SLC9D1: variants seen among roughly 807,000 people sequenced by gnomAD.
SLC9D1 encodes putative LAG1-interacting protein.
At chr13:113,541,416 G>C in the SLC9D1 span, among the ~76,000 whole-genome samples, 1 of 146,004 alleles carries the variant, frequency 6.8e-6, no homozygotes, top group Non-Finnish European at 1.5e-5. Context: ...GCTGATCACT[G>C]CCATGCTTTA....
chr13:113,533,644 C>T, the SLC9D1 span, among the ~76,000 whole-genome samples: 9 of 152,182 alleles, frequency 5.9e-5, no homozygotes, highest in South Asian at 1.4e-3. Context: ...GCCTTGCTGA[C>T]GGTCGCTGGA....
chr13:113,496,087 A>G, the SLC9D1 span: 1 of 1,176,612 alleles, frequency 8.5e-7, no homozygotes, highest in East Asian at 2.6e-5. Context: ...AGAGAGAGGG[A>G]GAGTGCGTGC....
the SLC9D1 span, chr13:113,547,036 G>A: frequency 8.0e-5 from 38 of 473,408 alleles, no homozygotes; most frequent in Non-Finnish European, 1.0e-4. Flanking sequence ...GTTTTGCTGT[G>A]TCCTCTGCAG....
chr13:113,500,465 C>T, the SLC9D1 span, among the ~76,000 whole-genome samples: 2 of 152,150 alleles, frequency 1.3e-5, no homozygotes, highest in Non-Finnish European at 2.9e-5. Flanking sequence ...AATTAAAAAT[C>T]CTTAAAAGGC....
the SLC9D1 span, among the ~76,000 whole-genome samples, chr13:113,539,932 C>T: frequency 6.6e-6 from 1 of 152,126 alleles, no homozygotes; most frequent in Admixed American, 6.5e-5. This position sits in a 1 kb window ranked among gnomAD's most constrained non-coding sequence, Gnocchi z 4.8. Flanking sequence ...CACGTGTACT[C>T]GGTGTTGAGC....
the SLC9D1 span, among the ~76,000 whole-genome samples, chr13:113,516,985 G>A: frequency 6.6e-6 from 1 of 152,192 alleles, no homozygotes; most frequent in Non-Finnish European, 1.5e-5. Flanking sequence ...AGAGGCCTCC[G>A]TGGGCAGGGC....
the SLC9D1 span, among the ~76,000 whole-genome samples, chr13:113,543,577 C>T: frequency 8.8e-6 from 1 of 113,182 alleles, no homozygotes; most frequent in Non-Finnish European, 1.8e-5. Flanking sequence ...CCTCAGCAAG[C>T]TAAATAAACT....
At chr13:113,534,039 T>C in the SLC9D1 span, 1 of 1,582,510 alleles carries the variant, frequency 6.3e-7, no homozygotes, top group Non-Finnish European at 8.6e-7. Flanking sequence ...CTTTTTTCTT[T>C]CCCAGCATTG....
chr13:113,543,071 C>T, the SLC9D1 span, among the ~76,000 whole-genome samples: 8 of 118,078 alleles, frequency 6.8e-5, no homozygotes, highest in East Asian at 5.1e-4. Context: ...CCCTGCCTCC[C>T]GCCCTACCTC....
chr13:113,524,763 T>G, the SLC9D1 span, among the ~76,000 whole-genome samples: 6 of 152,210 alleles, frequency 3.9e-5, no homozygotes, highest in Non-Finnish European at 7.3e-5. Flanking sequence ...TCCTTTCAAC[T>G]TATGCCCTTG....
the SLC9D1 span, among the ~76,000 whole-genome samples, chr13:113,494,782 T>G: frequency 6.6e-6 from 1 of 152,150 alleles, no homozygotes; most frequent in Non-Finnish European, 1.5e-5. Context: ...CTCAGAAGAT[T>G]TCGTTTCTGG....
chr13:113,544,338 G>T, the SLC9D1 span, among the ~76,000 whole-genome samples: 2 of 152,206 alleles, frequency 1.3e-5, no homozygotes, highest in Non-Finnish European at 2.9e-5. Context: ...GGGCTGCTGC[G>T]CCGAAGGATG....
chr13:113,522,000 A>G, the SLC9D1 span, among the ~76,000 whole-genome samples: 3 of 152,192 alleles, frequency 2.0e-5, no homozygotes, highest in East Asian at 5.8e-4. Context: ...TTGGAACCAG[A>G]TTGAGGTTCT....
the SLC9D1 span, among the ~76,000 whole-genome samples, chr13:113,547,711 G>T: frequency 6.6e-6 from 1 of 152,198 alleles, no homozygotes; most frequent in Non-Finnish European, 1.5e-5. Flanking sequence ...CTGGAAAATG[G>T]TGTAGGCACT....
chr13:113,534,445 C>A, the SLC9D1 span: 1 of 588,554 alleles, frequency 1.7e-6, no homozygotes, highest in Non-Finnish European at 3.0e-6. Context: ...TGGTTTGACT[C>A]ATACTCTTAA....
At chr13:113,502,217 G>T in the SLC9D1 span, among the ~76,000 whole-genome samples, 10,119 of 152,152 alleles carry the variant, frequency 0.067, 384 homozygotes, top group Non-Finnish European at 0.078. Context: ...TGTTGTTGTT[G>T]TTGTTGTTGT....
chr13:113,509,816 G>A, the SLC9D1 span, among the ~76,000 whole-genome samples: 1 of 152,152 alleles, frequency 6.6e-6, no homozygotes, highest in Non-Finnish European at 1.5e-5. Context: ...AGTGCACCCC[G>A]AGGCACTATA....
At chr13:113,494,358 A>G in the SLC9D1 span, among the ~76,000 whole-genome samples, 7 of 152,064 alleles carry the variant, frequency 4.6e-5, no homozygotes, top group African/African-American at 1.7e-4. Flanking sequence ...CCCACCTCTC[A>G]GCTCGTTCTG....
At chr13:113,513,400 G>T in the SLC9D1 span, among the ~76,000 whole-genome samples, 28,108 of 152,096 alleles carry the variant, frequency 0.18, 3,411 homozygotes, top group African/African-American at 0.35. Flanking sequence ...GACAGAGGGG[G>T]CTAGAAGGTG....
Sources: allele counts gnomAD v4.1 joint callset (sites outside exome capture counted in the v4.1 genomes callset), GRCh38; gene constraint gnomAD v4.1.1; non-coding constraint Gnocchi (gnomAD v3.1); transcripts MANE v1.5; gene names NCBI Gene and HGNC (gene_info 2026-07-23, HGNC 2026-07-21).